The following PSME4 variants were observed in gnomAD, a reference collection of about 807,000 sequenced individuals.
PSME4 encodes proteasome activator complex subunit 4.
Under a neutral mutation model 253.9 loss-of-function variants are expected in PSME4, and 89 were observed. The ratio of observed to expected loss-of-function variants is 0.35; its 90% CI spans 0.30 to 0.42. PSME4 has a LOEUF of 0.42. Ranked by LOEUF, PSME4 falls within the 10% of genes least tolerant of loss-of-function variation. The pLI is 1.00. For missense variants in PSME4, 2,014 were observed against 2,195.2 expected (o/e 0.92, Z 1.65); for synonymous variants, 851 against 759.2 (o/e 1.12, Z -1.99).
At position 53,949,194 on chromosome 2, in the gene PSME4, A is replaced by T. The variant is rs759674324; in HGVS notation, c.332T>A (p.Leu111Gln). The part of the protein sequence containing the change: ...LLYELVSIPK[L>Q]EISMMQGFAR... Reference sequence around the variant, plus strand: ...AAATCCCTGCATCATGCTGATTTCCAGTTTTGGAATTGATACCAGCTCATA... The same window carrying T: ...AAATCCCTGCATCATGCTGATTTCCTGTTTTGGAATTGATACCAGCTCATA... The change falls in exon 2 of 47, where the codon CTG becomes CAG. Residue 111 changes from leucine (L) to glutamine (Q), a missense_variant. Coordinates refer to ENST00000404125, the MANE Select transcript of PSME4 (RefSeq NM_014614.3). The T allele has an allele frequency of 6.2e-7, 1 of 1,611,956 alleles. No homozygotes were observed. The highest frequency in any genetic ancestry group is 8.5e-7 in the Non-Finnish European group (1 of 1,178,980).
At chr2:53,916,105 C>T (rs925747573) in intron 20 of PSME4, among the ~76,000 whole-genome samples, 7 of 151,588 alleles carry the variant, frequency 4.6e-5, no homozygotes, top group East Asian at 1.9e-4. Flanking sequence ...AAATTAGCTG[C>T]GTGTGGGGGC....
At chr2:53,896,587 G>A (rs1350575345) in intron 32 of PSME4, among the ~76,000 whole-genome samples, 1 of 152,112 alleles carries the variant, frequency 6.6e-6, no homozygotes, top group African/African-American at 2.4e-5. Flanking sequence ...TTGCTTAGTA[G>A]GTGAGATAAA....
At chr2:53,868,675 T>C (rs1381125165) in intron 44 of PSME4, among the ~76,000 whole-genome samples, 1 of 148,206 alleles carries the variant, frequency 6.7e-6, no homozygotes. Flanking sequence ...TTGGATTCTG[T>C]TACTAGGTAA....
intron 1 of PSME4, 124 bp from the exon 2 acceptor site, chr2:53,949,407 G>A: frequency 3.9e-6 from 2 of 514,396 alleles, no homozygotes; most frequent in Non-Finnish European, 6.5e-6. Flanking sequence ...AGGATGAATG[G>A]ATAAGGAAAA....
chr2:53,933,215 T>A (rs1668930431), intron 8 of PSME4: 2 of 157,240 alleles, frequency 1.3e-5, no homozygotes. Context: ...CTGTCTCTAC[T>A]AGAAATACAA....
chr2:53,964,032 T>C (rs1670607133), intron 1 of PSME4, among the ~76,000 whole-genome samples: 1 of 152,248 alleles, frequency 6.6e-6, no homozygotes, highest in South Asian at 2.1e-4. Context: ...AAATATGTAA[T>C]GAAAAGAGTT....
intron 10 of PSME4, among the ~76,000 whole-genome samples, chr2:53,929,038 T>C (rs548836956): frequency 1.2e-4 from 19 of 152,094 alleles, no homozygotes; most frequent in Admixed American, 1.1e-3. Flanking sequence ...TGGTGGTGCA[T>C]GCCTGTAATC....
At chr2:53,893,061 C>A in intron 35 of PSME4, 101 bp from the exon 36 acceptor site, 1 of 1,029,950 alleles carries the variant, frequency 9.7e-7, no homozygotes, top group Non-Finnish European at 1.4e-6. Context: ...CTTAAAAGCT[C>A]CAAGCACACT....
At chr2:53,876,648 A>G (rs1165097435) in intron 41 of PSME4, among the ~76,000 whole-genome samples, 1 of 151,448 alleles carries the variant, frequency 6.6e-6, no homozygotes, top group Non-Finnish European at 1.5e-5. Flanking sequence ...CTCCAAAAGT[A>G]GATAAGAATT....
At chr2:53,927,767 T>A (rs1668629543) in intron 11 of PSME4, among the ~76,000 whole-genome samples, 1 of 151,986 alleles carries the variant, frequency 6.6e-6, no homozygotes, top group African/African-American at 2.4e-5. Context: ...GCCAACATGG[T>A]GAAACCCTGT....
At chr2:53,871,733 G>A (rs1678887186) in intron 43 of PSME4, among the ~76,000 whole-genome samples, 1 of 152,098 alleles carries the variant, frequency 6.6e-6, no homozygotes, top group South Asian at 2.1e-4. Flanking sequence ...GGTGGTGATT[G>A]GCAGGGCATG....
At position 53,908,554 on chromosome 2, in the gene PSME4, C is replaced by T. The variant is rs1242824133; in HGVS notation, c.2641G>A (p.Asp881Asn). Reference protein sequence around the residue: ...VIRKLLNHILDNSEDDTKSLF... With the variant: ...VIRKLLNHILNNSEDDTKSLF... ...GACTTAGTATCATCTTCTGAATTAT[C>T]AAGTATGTGGTCTATAATGGAAGAA... The change falls in exon 23 of 47, where the codon GAT (aspartate) becomes AAT (asparagine). Residue 881 changes from aspartate (D) to asparagine (N), a missense_variant. Transcript: ENST00000404125. The T allele has an allele frequency of 2.5e-6, 4 of 1,606,696 alleles. No homozygotes were observed. The highest frequency in any genetic ancestry group is 3.4e-6 in the Non-Finnish European group (4 of 1,176,862).
At chr2:53,916,975 G>A (rs1044865356) in intron 20 of PSME4, among the ~76,000 whole-genome samples, 1 of 151,724 alleles carries the variant, frequency 6.6e-6, no homozygotes, top group Non-Finnish European at 1.5e-5. Flanking sequence ...ACAGATACAT[G>A]TAACTAAAAA....
At chr2:53,889,765 A>G (rs563578286) in intron 37 of PSME4, among the ~76,000 whole-genome samples, 30 of 152,228 alleles carry the variant, frequency 2.0e-4, no homozygotes, top group Non-Finnish European at 3.8e-4. Context: ...GACATTTCCA[A>G]ATACATGACT....
chr2:53,965,572 TCTA>T (rs1670685085), intron 1 of PSME4, among the ~76,000 whole-genome samples: 1 of 151,858 alleles, frequency 6.6e-6, no homozygotes, highest in Non-Finnish European at 1.5e-5. Flanking sequence ...TTTCAAGAGT[TCTA>T]CTATCAAGGA....
At chr2:53,956,829 A>G (rs1356909764) in intron 1 of PSME4, among the ~76,000 whole-genome samples, 2 of 152,166 alleles carry the variant, frequency 1.3e-5, no homozygotes, top group Non-Finnish European at 2.9e-5. Flanking sequence ...CAGATAATCA[A>G]TATTTCTGCA....
At chr2:53,899,070 T>C (rs1445400958) in intron 29 of PSME4, among the ~76,000 whole-genome samples, 2 of 152,152 alleles carry the variant, frequency 1.3e-5, no homozygotes, top group African/African-American at 4.8e-5. Context: ...AATAACTTTT[T>C]GTTTTGTTTA....
At position 53,882,567 on chromosome 2, in the gene PSME4, G is replaced by C. The variant is rs564123039; in HGVS notation, c.4815+3123C>G. On this transcript the variant is annotated intron_variant, in intron 41 of 46. Coordinates refer to ENST00000404125, the MANE Select transcript of PSME4 (RefSeq NM_014614.3). The stretch of plus-strand genomic sequence containing the variant: ...GAGAGGGATAAAGTTCAGAGGGGTT[G>C]AATTAGATGCCCATGATTACCTAAT... Among the ~76,000 whole-genome samples the C allele has an allele frequency of 8.5e-5, 13 of 152,258 alleles. No individual in the cohort carries two copies. The South Asian group carries it at 2.3e-3, about 27-fold the overall frequency.
chr2:53,887,522 G>A (rs1679695929), intron 39 of PSME4, 55 bp from the exon 40 acceptor site: 8 of 1,481,820 alleles, frequency 5.4e-6, no homozygotes, highest in Non-Finnish European at 4.6e-6. Flanking sequence ...AAATAAAAAT[G>A]AGGTTCAAAA....
Sources: gnomAD v4.1 joint callset for allele counts (sites outside exome capture counted in the v4.1 genomes callset) on GRCh38, gnomAD v4.1.1 for gene constraint, MANE v1.5 for transcripts, NCBI Gene and HGNC (gene_info 2026-07-23, HGNC 2026-07-21) for gene names.